The following DGKI variants were observed in gnomAD, a reference collection of about 807,000 sequenced individuals.
The protein encoded by DGKI is DAG kinase iota.
In DGKI, 55 loss-of-function variants were observed where a neutral mutation model predicts 147.5. The observed-to-expected ratio is 0.37, with a 90% CI of 0.30 to 0.47. DGKI has a LOEUF of 0.47. Among genes scored for constraint, DGKI ranks in the 20% least tolerant of loss-of-function variants. The pLI is 1.00. For synonymous variants in DGKI, 469 were observed against 477.1 expected, an observed-to-expected ratio of 0.98 and a Z score of 0.22; for missense variants, 1,007 against 1,323.8, an observed-to-expected ratio of 0.76 and a Z score of 3.71.
In DGKI at chr7:137,493,208, G is replaced by C. The variant is rs145856617; in HGVS notation, c.2249-5519C>G. 3.1e-3 allele frequency among the ~76,000 whole-genome samples: 472 copies of C among 152,140 alleles called. 8 individuals carry two copies. The highest frequency in any genetic ancestry group is 0.011 in the African/African-American group (449 of 41,504). On this transcript the variant is annotated intron_variant, in intron 21 of 32. Coordinates refer to ENST00000614521, the MANE Select transcript of DGKI (RefSeq NM_001321708.2). Reference sequence around the variant, plus strand: ...TCAGTAGCCCCACTCCCTGCCCTATGTTGCCATTGCCTCCAGTGTGAATGC... The same window carrying C: ...TCAGTAGCCCCACTCCCTGCCCTATCTTGCCATTGCCTCCAGTGTGAATGC...
chr7:137,431,222 C>T (rs1056097552), intron 28 of DGKI, among the ~76,000 whole-genome samples: 1 of 151,070 alleles, frequency 6.6e-6, no homozygotes, highest in African/African-American at 2.4e-5. Flanking sequence ...TGGTTTAAAT[C>T]ACTTTCTTGC....
At chr7:137,442,912 A>G (rs1185658428) in intron 28 of DGKI, among the ~76,000 whole-genome samples, 1 of 152,236 alleles carries the variant, frequency 6.6e-6, no homozygotes, top group African/African-American at 2.4e-5. Flanking sequence ...GAAAAATATT[A>G]GGCACAACGA....
chr7:137,715,889 T>C (rs1484810601), intron 1 of DGKI, among the ~76,000 whole-genome samples: 2 of 152,132 alleles, frequency 1.3e-5, no homozygotes, highest in Admixed American at 1.3e-4. Flanking sequence ...CTTTACCAGA[T>C]AAACAATCAG....
At chr7:137,806,439 CT>C (rs547951123) in intron 1 of DGKI, among the ~76,000 whole-genome samples, 604 of 149,706 alleles carry the variant, frequency 4.0e-3, no homozygotes, top group Non-Finnish European at 5.2e-3. Flanking sequence ...ACCTTTGCTT[CT>C]TTTTTTTTTC....
chr7:137,804,298 C>G (rs1797299335), intron 1 of DGKI, among the ~76,000 whole-genome samples: 1 of 152,184 alleles, frequency 6.6e-6, no homozygotes, highest in Non-Finnish European at 1.5e-5. Flanking sequence ...AAAATTACCA[C>G]TTTACAATTA....
chr7:137,573,392 G>A (rs1818858676), intron 17 of DGKI, among the ~76,000 whole-genome samples: 1 of 152,146 alleles, frequency 6.6e-6, no homozygotes, highest in Non-Finnish European at 1.5e-5. Context: ...TCATACAGTA[G>A]TATTATCTTC....
In DGKI at chr7:137,381,298, C is replaced by CCCCA. The variant is rs1811055247; in HGVS notation, c.*9918_*9921dup. The CCCCA allele has an allele frequency of 9.0e-6, 1 of 110,838 alleles. No individual in the cohort carries two copies. The highest frequency in any genetic ancestry group is 1.0e-4 in the Admixed American group (1 of 9,798). The allele number at this position is 110,838 out of a possible 1,614,324, so 6.9% of individuals were successfully genotyped here. A position where few individuals can be genotyped will look rare whatever the true frequency, so the allele number is the denominator to read the frequency against. On this transcript the variant is annotated 3_prime_UTR_variant, in exon 33 of 33. Transcript: ENST00000614521. ...TCCCTTTCCCATCCCACCCCCCCCC[C>CCCCA]CCCACCCACCCTCCCTCCACTTCGT...
At chr7:137,657,710 C>T (rs772487528) in intron 3 of DGKI, among the ~76,000 whole-genome samples, 4 of 152,222 alleles carry the variant, frequency 2.6e-5, no homozygotes, top group Non-Finnish European at 4.4e-5. Flanking sequence ...CAACCTTCCC[C>T]TTCCGAGGAG....
At chr7:137,526,658 A>C (rs982369144) in intron 20 of DGKI, among the ~76,000 whole-genome samples, 5 of 152,052 alleles carry the variant, frequency 3.3e-5, no homozygotes, top group Non-Finnish European at 5.9e-5. Context: ...CTGACTTTCC[A>C]TTAAGACAAC....
At chr7:137,797,594 T>A (rs1290156100) in intron 1 of DGKI, among the ~76,000 whole-genome samples, 2 of 152,128 alleles carry the variant, frequency 1.3e-5, no homozygotes, top group African/African-American at 4.8e-5. Flanking sequence ...AAAATTAAGT[T>A]GATATTAACC....
intron 20 of DGKI, among the ~76,000 whole-genome samples, chr7:137,540,904 GAC>G (rs970163059): frequency 8.6e-5 from 13 of 150,728 alleles, no homozygotes; most frequent in African/African-American, 2.9e-4. Context: ...TAAATGAAGA[GAC>G]ACAGAGAATT....
chr7:137,846,430 A>G lies in DGKI; in HGVS notation c.401+32T>C, dbSNP rs1323029517. ...AAGAGTGGGTCTCCCGCCGCGGCGCACCTGTCTCGGCTGCCGGCTCCCCGC... is the reference window on the plus strand; with the variant it reads ...AAGAGTGGGTCTCCCGCCGCGGCGCGCCTGTCTCGGCTGCCGGCTCCCCGC... On this transcript the variant is annotated intron_variant, in intron 1 of 32. Transcript: ENST00000614521. This position sits in a 1 kb window ranked among gnomAD's most constrained non-coding sequence, Gnocchi z 4.0. 6.6e-7 allele frequency: 1 copy of G among 1,523,170 alleles called. No individual in the cohort carries two copies. Among genetic ancestry groups the G allele is most frequent in the Non-Finnish European group, 8.9e-7 (1 of 1,120,654 alleles). The allele number at this position is 1,523,170 out of a possible 1,614,324, so 94.4% of individuals were successfully genotyped here.
At chr7:137,457,932 A>G (rs988207200) in intron 27 of DGKI, among the ~76,000 whole-genome samples, 29 of 152,180 alleles carry the variant, frequency 1.9e-4, no homozygotes, top group Non-Finnish European at 2.9e-5. Context: ...TCTAAAAAAA[A>G]AAGCAGCAAA....
intron 1 of DGKI, among the ~76,000 whole-genome samples, chr7:137,734,339 T>C (rs1260819488): frequency 6.6e-6 from 1 of 152,122 alleles, no homozygotes; most frequent in Non-Finnish European, 1.5e-5. Context: ...TCTCAATTGC[T>C]GCATTAGAAA....
intron 3 of DGKI, among the ~76,000 whole-genome samples, chr7:137,665,214 G>A (rs996287950): frequency 6.6e-6 from 1 of 152,182 alleles, no homozygotes; most frequent in Non-Finnish European, 1.5e-5. Context: ...TTTCCCGTAT[G>A]AGGTGATGGG....
chr7:137,536,268 C>T (rs1043101488), intron 20 of DGKI, among the ~76,000 whole-genome samples: 1 of 152,140 alleles, frequency 6.6e-6, no homozygotes, highest in African/African-American at 2.4e-5. Context: ...ATTTCTTGTT[C>T]TCTGTCTTCT....
chr7:137,648,580 T>C (rs1242472751), intron 5 of DGKI, among the ~76,000 whole-genome samples: 1 of 152,214 alleles, frequency 6.6e-6, no homozygotes, highest in Non-Finnish European at 1.5e-5. Flanking sequence ...AATGGGCAGG[T>C]AGTGGATATG....
chr7:137,778,074 G>A (rs1796411799), intron 1 of DGKI, among the ~76,000 whole-genome samples: 1 of 152,176 alleles, frequency 6.6e-6, no homozygotes, highest in Admixed American at 6.5e-5. Flanking sequence ...TTAAATATAA[G>A]TTGATGAGTT....
intron 6 of DGKI, among the ~76,000 whole-genome samples, chr7:137,629,163 A>C (rs1019372337): frequency 6.6e-6 from 1 of 152,178 alleles, no homozygotes; most frequent in African/African-American, 2.4e-5. Context: ...TGCTTTCGTT[A>C]ATATTTATCT....
Sources: gnomAD v4.1 joint callset for allele counts (sites outside exome capture counted in the v4.1 genomes callset) on GRCh38, gnomAD v4.1.1 for gene constraint, Gnocchi (gnomAD v3.1) non-coding constraint, MANE v1.5 for transcripts, NCBI Gene and HGNC (gene_info 2026-07-23, HGNC 2026-07-21) for gene names.